The following SPATA31F1 variants were observed in gnomAD, a reference collection of about 807,000 sequenced individuals.
The protein encoded by SPATA31F1 is SPATA31 subfamily F member 1, also known as protein SPATA31F1.
At chr9:34,723,709 C>T in the SPATA31F1 span, 1 of 1,551,716 alleles carries the variant, frequency 6.4e-7, no homozygotes, top group Non-Finnish European at 8.7e-7. Context: ...AAGGCTTAGC[C>T]TGAGTTGGTT....
the SPATA31F1 span, chr9:34,729,160 T>G: frequency 1.7e-6 from 2 of 1,183,506 alleles, no homozygotes; most frequent in Non-Finnish European, 2.3e-6. Flanking sequence ...AAGAAAAGTA[T>G]TACACAAAGG....
the SPATA31F1 span, chr9:34,725,175 G>T: frequency 1.3e-6 from 2 of 1,535,314 alleles, no homozygotes; most frequent in Admixed American, 2.0e-5. Context: ...ATCTTGCCCT[G>T]GTGGATTTGT....
At chr9:34,729,293 G>C in the SPATA31F1 span, 1 of 1,552,010 alleles carries the variant, frequency 6.4e-7, no homozygotes, top group Non-Finnish European at 8.7e-7. Flanking sequence ...CCCGGCAGCA[G>C]CTCCTTTTAG....
the SPATA31F1 span, chr9:34,723,390 C>T: frequency 1.3e-6 from 2 of 1,551,710 alleles, no homozygotes; most frequent in Non-Finnish European, 1.7e-6. Context: ...GCTGGGCCCA[C>T]CAGCTTCTGA....
the SPATA31F1 span, chr9:34,723,626 C>T: frequency 6.4e-7 from 1 of 1,551,764 alleles, no homozygotes; most frequent in Non-Finnish European, 8.7e-7. Context: ...CTCTGTAAGG[C>T]TGGGCTTCTT....
the SPATA31F1 span, chr9:34,729,358 C>G: frequency 5.2e-6 from 8 of 1,551,776 alleles, no homozygotes; most frequent in Non-Finnish European, 5.2e-6. Flanking sequence ...ATTACAATAA[C>G]GATGAAGATG....
the SPATA31F1 span, chr9:34,725,742 A>C: frequency 3.2e-6 from 5 of 1,548,960 alleles, no homozygotes; most frequent in Non-Finnish European, 4.4e-6. Context: ...TCAGATGGAG[A>C]CATCCAGTTT....
the SPATA31F1 span, chr9:34,723,758 A>G: frequency 5.2e-6 from 8 of 1,551,760 alleles, no homozygotes; most frequent in Non-Finnish European, 6.1e-6. Context: ...CTGGGGCAAC[A>G]CAGTCTGGGC....
At chr9:34,728,847 C>T in the SPATA31F1 span, among the ~76,000 whole-genome samples, 1 of 152,196 alleles carries the variant, frequency 6.6e-6, no homozygotes. Context: ...TTTGGATTCA[C>T]TTGGAGGCTT....
chr9:34,726,846 G>T, the SPATA31F1 span: 1 of 1,551,784 alleles, frequency 6.4e-7, no homozygotes, highest in Non-Finnish European at 8.7e-7. Flanking sequence ...CCCTGCAATG[G>T]CCCCGATAAA....
chr9:34,723,359 G>T, the SPATA31F1 span: 68 of 1,551,596 alleles, frequency 4.4e-5, no homozygotes, highest in Non-Finnish European at 5.8e-5. Flanking sequence ...ATCGTCTAGG[G>T]ATTGGGGACC....
the SPATA31F1 span, among the ~76,000 whole-genome samples, chr9:34,727,485 G>A: frequency 4.6e-5 from 7 of 152,206 alleles, no homozygotes; most frequent in East Asian, 9.6e-4. Context: ...GCATCTCTTC[G>A]GAACCAGTCC....
At chr9:34,723,651 G>A in the SPATA31F1 span, 3 of 1,551,512 alleles carry the variant, frequency 1.9e-6, no homozygotes, top group African/African-American at 4.1e-5. Context: ...GCATGGACTG[G>A]CATCACCAGC....
At chr9:34,723,320 C>A in the SPATA31F1 span, 2 of 1,551,700 alleles carry the variant, frequency 1.3e-6, no homozygotes, top group African/African-American at 1.4e-5. Context: ...TGAGGCAGAG[C>A]CAGGTTGTCT....
chr9:34,727,221 G>A, the SPATA31F1 span, among the ~76,000 whole-genome samples: 4 of 152,252 alleles, frequency 2.6e-5, no homozygotes, highest in Non-Finnish European at 5.9e-5. Flanking sequence ...CCATGGGAGG[G>A]CATGGCCCTC....
chr9:34,728,807 CT>C, the SPATA31F1 span, among the ~76,000 whole-genome samples: 1 of 152,146 alleles, frequency 6.6e-6, no homozygotes. Context: ...CCTATTCCAC[CT>C]TTTTACCCCA....
the SPATA31F1 span, chr9:34,723,366 G>A: frequency 3.2e-6 from 5 of 1,551,714 alleles, no homozygotes; most frequent in Non-Finnish European, 4.4e-6. Flanking sequence ...AGGGATTGGG[G>A]ACCATCCAAG....
chr9:34,726,128 G>A, the SPATA31F1 span: 3 of 1,425,994 alleles, frequency 2.1e-6, no homozygotes, highest in Non-Finnish European at 2.9e-6. Context: ...AACCCAGAAG[G>A]TCTGGATGGG....
At chr9:34,724,213 A>C in the SPATA31F1 span, 1 of 1,551,474 alleles carries the variant, frequency 6.4e-7, no homozygotes, top group Non-Finnish European at 8.7e-7. Context: ...CTACCTGAAC[A>C]CAAGGCATGT....
Sources: gnomAD v4.1 joint callset for allele counts (sites outside exome capture counted in the v4.1 genomes callset) on GRCh38, gnomAD v4.1.1 for gene constraint, MANE v1.5 for transcripts, NCBI Gene and HGNC (gene_info 2026-07-23, HGNC 2026-07-21) for gene names.